SEC14L5: variants seen among roughly 807,000 people sequenced by gnomAD.
The protein encoded by SEC14L5 is SEC14-like protein 5.
A neutral mutation model predicts 84.6 loss-of-function variants in SEC14L5; 96 were observed. That is an observed-to-expected ratio of 1.13 (90% CI 0.96 to 1.34). SEC14L5 has a LOEUF of 1.34. Among genes scored for constraint, SEC14L5 ranks in the 40% most tolerant of loss-of-function variants. The pLI is 0.00. For missense variants in SEC14L5, 1,224 were observed against 942.5 expected (o/e 1.30, Z -3.91); for synonymous variants, 546 against 383.4 (o/e 1.42, Z -4.95).
intron 6 of SEC14L5, 108 bp from the exon 7 acceptor site, chr16:4,996,240 C>G: frequency 1.5e-6 from 1 of 682,226 alleles, no homozygotes; most frequent in African/African-American, 1.8e-5. Flanking sequence ...TGGTTTGGAA[C>G]CACGTTTTAG....
chr16:5,006,985 A>G (rs539678441), intron 12 of SEC14L5, among the ~76,000 whole-genome samples: 8 of 152,120 alleles, frequency 5.3e-5, no homozygotes, highest in African/African-American at 1.9e-4. Flanking sequence ...GGCAGCTGCT[A>G]TGGGGTGCGG....
intron 2 of SEC14L5, among the ~76,000 whole-genome samples, chr16:4,970,178 G>A (rs1244424753): frequency 2.6e-5 from 4 of 152,088 alleles, no homozygotes; most frequent in African/African-American, 7.2e-5. Context: ...GGGGGAGGGG[G>A]TGACAGACAA....
In SEC14L5 at chr16:5,000,239, C is replaced by G. The variant is rs372069543; in HGVS notation, c.971-416C>G. ...CTGGGAGGCCGAGGTTACAGTGAGC[C>G]GAGATCGCACCACTGCACTCCAGCC... On this transcript the variant is annotated intron_variant, in intron 8 of 15. Transcript: ENST00000251170. Among the ~76,000 whole-genome samples the G allele has an allele frequency of 8.6e-5, 13 of 151,458 alleles. No homozygotes were observed. The South Asian group carries it at 1.9e-3, about 22-fold the overall frequency.
intron 1 of SEC14L5, among the ~76,000 whole-genome samples, chr16:4,958,921 C>A (rs1356874746): frequency 6.6e-6 from 1 of 150,936 alleles, no homozygotes; most frequent in South Asian, 2.1e-4. Flanking sequence ...TGGCAAGCTG[C>A]GGGGTGCATG....
chr16:4,974,006 A>C (rs1358385509), intron 2 of SEC14L5, among the ~76,000 whole-genome samples: 3 of 151,408 alleles, frequency 2.0e-5, no homozygotes, highest in Non-Finnish European at 2.9e-5. Context: ...ATTTCTTGGA[A>C]CTATCCGGAG....
chr16:4,974,820 C>T (rs1005213867), intron 2 of SEC14L5, among the ~76,000 whole-genome samples: 2 of 152,060 alleles, frequency 1.3e-5, no homozygotes, highest in South Asian at 2.1e-4. Flanking sequence ...CTCTGTCACC[C>T]AGGCTGGAGT....
At chr16:4,970,284 G>C (rs1468408921) in intron 2 of SEC14L5, among the ~76,000 whole-genome samples, 1 of 152,196 alleles carries the variant, frequency 6.6e-6, no homozygotes, top group Non-Finnish European at 1.5e-5. Flanking sequence ...ATTTGAGCCA[G>C]CCAGGCTGAG....
chr16:4,973,631 G>C (rs935340711), intron 2 of SEC14L5, among the ~76,000 whole-genome samples: 2 of 152,018 alleles, frequency 1.3e-5, no homozygotes, highest in Non-Finnish European at 2.9e-5. Flanking sequence ...GAGTGAGAGA[G>C]GTCAGAGGCA....
At chr16:4,990,317 C>T (rs1955539268) in intron 4 of SEC14L5, among the ~76,000 whole-genome samples, 1 of 152,136 alleles carries the variant, frequency 6.6e-6, no homozygotes, top group Non-Finnish European at 1.5e-5. Flanking sequence ...CACCCACCAC[C>T]ATCTCTGGCT....
Position 4,968,683 on chromosome 16 carries a change from G to C in SEC14L5, c.63+9297G>C, listed in dbSNP as rs1207768220. Among the ~76,000 whole-genome samples the C allele has an allele frequency of 3.3e-5, 5 of 152,150 alleles. No homozygotes were observed. In the East Asian group the frequency reaches 7.7e-4, roughly 23 times the overall value. On this transcript the variant is annotated intron_variant, in intron 2 of 15. Transcript: ENST00000251170. ...GTACTGTGGCTTTAGGAATGACCTG[G>C]TCCCCTTTTGTCCAGCCACTGCCCA...
rs376893147 is a variant in SEC14L5 at position 5,003,517 on chromosome 16, C to T, written c.1246C>T (p.Leu416=). ...EVVEDNYPET[L]GRLLIVRAPR... is the part of the protein sequence containing the mutation. ...GGTTGAGGACAATTACCCAGAGACC[C>T]TGGGTCGGCTGCTCATCGTGCGAGC... Residue 416 remains leucine, a synonymous_variant, in exon 11 of 16, where the codon CTG becomes TTG. Transcript: ENST00000251170. The T allele has an allele frequency of 6.9e-7, 1 of 1,447,944 alleles. No individual in the cohort carries two copies. Among genetic ancestry groups the T allele is most frequent in the Non-Finnish European group, 9.3e-7 (1 of 1,076,818 alleles). The allele number at this position is 1,447,944 out of a possible 1,614,324, so 89.7% of individuals were successfully genotyped here.
intron 10 of SEC14L5, among the ~76,000 whole-genome samples, chr16:5,002,372 C>G (rs1955686581): frequency 1.3e-5 from 2 of 149,928 alleles, no homozygotes; most frequent in Admixed American, 1.3e-4. Flanking sequence ...TCTTGGCTCA[C>G]TCCAACCTCC....
intron 13 of SEC14L5, 29 bp downstream of exon 13, chr16:5,007,515 C>G (rs761439108): frequency 6.2e-7 from 1 of 1,608,354 alleles, no homozygotes; most frequent in Non-Finnish European, 8.5e-7. Context: ...GGAGGGCCCG[C>G]TGAGCTGGAG....
At chr16:4,965,495 AC>A (rs1955187862) in intron 2 of SEC14L5, among the ~76,000 whole-genome samples, 1 of 150,972 alleles carries the variant, frequency 6.6e-6, no homozygotes, top group South Asian at 2.1e-4. Flanking sequence ...CCGCGTCTCT[AC>A]TAAAAATACA....
intron 2 of SEC14L5, among the ~76,000 whole-genome samples, chr16:4,965,573 A>G (rs1023644514): frequency 7.0e-6 from 1 of 142,782 alleles, no homozygotes; most frequent in Non-Finnish European, 1.5e-5. Context: ...AGGCAGGAGA[A>G]TGGTGTGAAA....
At chr16:4,970,662 ACT>A (rs1170259038) in intron 2 of SEC14L5, among the ~76,000 whole-genome samples, 1 of 152,088 alleles carries the variant, frequency 6.6e-6, no homozygotes, top group Non-Finnish European at 1.5e-5. Context: ...CGTGAGTGAG[ACT>A]CTGCAGTGGG....
intron 2 of SEC14L5, among the ~76,000 whole-genome samples, chr16:4,962,787 C>T (rs1055645652): frequency 2.0e-5 from 3 of 151,910 alleles, no homozygotes; most frequent in African/African-American, 7.3e-5. Context: ...ATTCTATCTT[C>T]CATACAGTCC....
chr16:4,959,878 C>G (rs149566187), intron 2 of SEC14L5, among the ~76,000 whole-genome samples: 2 of 151,372 alleles, frequency 1.3e-5, no homozygotes, highest in Non-Finnish European at 2.9e-5. Flanking sequence ...TCTGTATCTA[C>G]GCAGAGGTGG....
intron 8 of SEC14L5, among the ~76,000 whole-genome samples, chr16:4,997,576 C>G (rs866830959): frequency 4.6e-5 from 7 of 152,286 alleles, no homozygotes; most frequent in Non-Finnish European, 5.9e-5. Context: ...CCCACAATTA[C>G]TCACAATAAT....
Sources: gnomAD v4.1 joint callset for allele counts (sites outside exome capture counted in the v4.1 genomes callset) on GRCh38, gnomAD v4.1.1 for gene constraint, MANE v1.5 for transcripts, NCBI Gene and HGNC (gene_info 2026-07-23, HGNC 2026-07-21) for gene names.